The following INPP4A variants were observed in gnomAD, a reference collection of about 807,000 sequenced individuals.
The protein encoded by INPP4A is inositol polyphosphate-4-phosphatase type I A.
A neutral mutation model predicts 119.8 loss-of-function variants in INPP4A; 33 were observed. The observed-to-expected ratio is 0.28, with a 90% CI of 0.21 to 0.37. The LOEUF (loss-of-function observed/expected upper bound fraction) is 0.37, where lower values mean the gene tolerates loss of function less well. INPP4A is among the 10% of genes least tolerant of loss of function. The pLI is 1.00. For synonymous variants in INPP4A, 496 were observed against 500.7 expected, an observed-to-expected ratio of 0.99 and a Z score of 0.12; for missense variants, 956 against 1,289.9, an observed-to-expected ratio of 0.74 and a Z score of 3.97.
In INPP4A at chr2:98,577,013, C is replaced by T. The variant is rs1698535859; in HGVS notation, c.2656C>T (p.Arg886Trp). ...GATCTGCCGCCGCCTTAATGGGGTCCGGTTCACCAGCTGCAAGAGCGCTAA... is the reference window on the plus strand; with the variant it reads ...GATCTGCCGCCGCCTTAATGGGGTCTGGTTCACCAGCTGCAAGAGCGCTAA... The part of the protein sequence containing the change: ...AEICRRLNGV[R>W]FTSCKSAKDR... The change falls in exon 24 of 25, where the codon CGG (arginine) becomes TGG (tryptophan). Residue 886 changes from arginine to tryptophan, a missense_variant. Arg to Trp is a moderately radical substitution (Grantham distance 101). Around this residue, in one of 2 missense-constraint regions of INPP4A, gnomAD observed 304 missense variants for 492.1 expected, o/e 0.62. Coordinates refer to ENST00000409851, the MANE Select transcript of INPP4A (RefSeq NM_001134225.2). 1.2e-6 allele frequency: 2 copies of T among 1,613,308 alleles called. No individual in the cohort carries two copies. The highest frequency in any genetic ancestry group is 1.7e-6 in the Non-Finnish European group (2 of 1,179,378).
rs1388108694 is a variant in INPP4A at position 98,539,511 on chromosome 2, T to C, written c.671-17T>C. The C allele has an allele frequency of 6.3e-7, 1 of 1,597,778 alleles. No homozygotes were observed. Among genetic ancestry groups the C allele is most frequent in the South Asian group, 1.1e-5 (1 of 89,884 alleles). On this transcript the variant is annotated splice_polypyrimidine_tract_variant and intron_variant, in intron 9 of 24. Coordinates refer to ENST00000409851, the MANE Select transcript of INPP4A (RefSeq NM_001134225.2). ...CCAGTTCATTTGCAGCCTGTCTCCC[T>C]TGTCATCCCACCTCAGTGTTCGGTG...
chr2:98,477,301 G>A (rs1024417849), intron 1 of INPP4A, among the ~76,000 whole-genome samples: 1 of 152,242 alleles, frequency 6.6e-6, no homozygotes, highest in African/African-American at 2.4e-5. Context: ...GTCTCCCTGA[G>A]CTGCCTGCTT....
At chr2:98,513,069 A>C (rs1183978907) in intron 1 of INPP4A, among the ~76,000 whole-genome samples, 1 of 152,202 alleles carries the variant, frequency 6.6e-6, no homozygotes, top group Non-Finnish European at 1.5e-5. Context: ...TGCTTCCACT[A>C]TTCCCTTGCA....
Position 98,539,580 on chromosome 2 carries a change from C to T in INPP4A, c.723C>T (p.Asn241=). Residue 241 remains asparagine, a synonymous_variant, in exon 10 of 25, where the codon AAC becomes AAT. Transcript: ENST00000409851. ...ACCGGTTTCCAACCACTGATGGTAACCATTTGCGGATCCTGGAGCAGATGG... is the reference window on the plus strand; with the variant it reads ...ACCGGTTTCCAACCACTGATGGTAATCATTTGCGGATCCTGGAGCAGATGG... ...RMYRFPTTDG[N]HLRILEQMAE... is the part of the protein sequence containing the mutation. The T allele has an allele frequency of 6.2e-7, 1 of 1,612,372 alleles. No homozygotes were observed. Among genetic ancestry groups the T allele is most frequent in the Non-Finnish European group, 8.5e-7 (1 of 1,179,138 alleles).
At chr2:98,465,646 A>G (rs537385118) in intron 1 of INPP4A, among the ~76,000 whole-genome samples, 1 of 152,270 alleles carries the variant, frequency 6.6e-6, no homozygotes, top group Admixed American at 6.5e-5. Flanking sequence ...AGGGGTGGCC[A>G]TGGTCCTTTC....
chr2:98,448,467 A>T (rs1694645915), intron 1 of INPP4A, among the ~76,000 whole-genome samples: 1 of 152,176 alleles, frequency 6.6e-6, no homozygotes, highest in Non-Finnish European at 1.5e-5. Context: ...TAGCAAAAGA[A>T]AATCCTAGAT....
chr2:98,451,356 G>A (rs1158707763), intron 1 of INPP4A, among the ~76,000 whole-genome samples: 1 of 152,186 alleles, frequency 6.6e-6, no homozygotes, highest in Non-Finnish European at 1.5e-5. Flanking sequence ...GGGGGCAGTG[G>A]GGGGATCATG....
intron 23 of INPP4A, among the ~76,000 whole-genome samples, chr2:98,573,811 C>T (rs899241347): frequency 2.1e-4 from 32 of 152,182 alleles, no homozygotes; most frequent in African/African-American, 7.0e-4. Flanking sequence ...GTGTTCAAGC[C>T]GGGCTTCATG....
At chr2:98,550,612 A>G (rs1276287886) in intron 13 of INPP4A, among the ~76,000 whole-genome samples, 1 of 152,156 alleles carries the variant, frequency 6.6e-6, no homozygotes, top group African/African-American at 2.4e-5. Context: ...CTTCATGTCT[A>G]CACCTCCATC....
At chr2:98,532,470 A>G (rs561578971) in intron 4 of INPP4A, among the ~76,000 whole-genome samples, 1 of 152,216 alleles carries the variant, frequency 6.6e-6, no homozygotes, top group African/African-American at 2.4e-5. Flanking sequence ...GTTTGGTGGC[A>G]TTAAGTATAG....
At chr2:98,565,508 ACT>A (rs1251715602) in intron 19 of INPP4A, 130 bp from the exon 20 acceptor site, 5 of 869,550 alleles carry the variant, frequency 5.8e-6, no homozygotes, top group Non-Finnish European at 8.4e-6. Context: ...AGGCTCAGAG[ACT>A]CCCCCTCCAC....
intron 1 of INPP4A, among the ~76,000 whole-genome samples, chr2:98,495,462 T>A (rs1170799903): frequency 6.6e-6 from 1 of 152,210 alleles, no homozygotes; most frequent in African/African-American, 2.4e-5. Context: ...TTGAAGAGAT[T>A]TATTCTGAGC....
At chr2:98,572,522 G>A (rs776216822) in intron 22 of INPP4A, among the ~76,000 whole-genome samples, 8 of 152,214 alleles carry the variant, frequency 5.3e-5, no homozygotes, top group African/African-American at 1.2e-4. Context: ...GGAGGGGTGC[G>A]GGAGGCATGG....
chr2:98,521,627 C>G (rs1687211010), intron 4 of INPP4A: 4 of 152,276 alleles, frequency 2.6e-5, no homozygotes, highest in Admixed American at 2.0e-4. Flanking sequence ...TTGCAAAACC[C>G]ATAAAAGTGT....
At chr2:98,481,395 G>A (rs1013478819) in intron 1 of INPP4A, among the ~76,000 whole-genome samples, 23 of 152,176 alleles carry the variant, frequency 1.5e-4, no homozygotes, top group Admixed American at 3.9e-4. Context: ...CGCATAAATC[G>A]ACCACTCTTG....
chr2:98,581,443 A>G (rs1447607480), intron 24 of INPP4A: 32 of 885,580 alleles, frequency 3.6e-5, no homozygotes, highest in Non-Finnish European at 4.5e-5. Flanking sequence ...ATTTTTTTTT[A>G]ACCTTATCTT....
chr2:98,501,027 G>A (rs1272148119), intron 1 of INPP4A, among the ~76,000 whole-genome samples: 2 of 152,204 alleles, frequency 1.3e-5, no homozygotes, highest in Non-Finnish European at 2.9e-5. Flanking sequence ...ATGTGTTTAG[G>A]CCAGGTGCGG....
chr2:98,537,293 C>T (rs3769710), intron 7 of INPP4A, among the ~76,000 whole-genome samples: 17,620 of 152,244 alleles, frequency 0.12, 1,288 homozygotes, highest in Middle Eastern at 0.17. Flanking sequence ...GAGCCCAGGC[C>T]ACCATCAGCC....
chr2:98,492,284 T>A (rs1278579640), intron 1 of INPP4A, among the ~76,000 whole-genome samples: 5 of 152,204 alleles, frequency 3.3e-5, no homozygotes. Context: ...CACACCATCC[T>A]AAAGTCGAAA....
Sources: gnomAD v4.1 joint callset for allele counts (sites outside exome capture counted in the v4.1 genomes callset) on GRCh38, gnomAD v4.1.1 for gene constraint, gnomAD v4.1.1 regional missense constraint, MANE v1.5 for transcripts, NCBI Gene and HGNC (gene_info 2026-07-23, HGNC 2026-07-21) for gene names.